Variants in GULP1 observed in about 807,000 individuals in gnomAD.
GULP1 encodes GULP PTB domain containing engulfment adaptor 1, also known as PTB domain-containing engulfment adapter protein 1.
A neutral mutation model predicts 40.9 loss-of-function variants in GULP1; 19 were observed. That is an observed-to-expected ratio of 0.46 (90% CI 0.32 to 0.68). GULP1 has a LOEUF of 0.68. GULP1 is among the 30% of genes least tolerant of loss of function. GULP1 has a pLI of 0.03. For synonymous variants in GULP1, 119 were observed against 117.6 expected, an observed-to-expected ratio of 1.01 and a Z score of -0.08; for missense variants, 312 against 362.2, an observed-to-expected ratio of 0.86 and a Z score of 1.12.
chr2:188,414,998 A>C (rs1197243550), intron 2 of GULP1, among the ~76,000 whole-genome samples: 1 of 152,162 alleles, frequency 6.6e-6, no homozygotes, highest in Admixed American at 6.5e-5. Flanking sequence ...AAGAGTAAAT[A>C]TGTTTCCATG....
At chr2:188,314,450 C>T (rs1014159880) in intron 1 of GULP1, among the ~76,000 whole-genome samples, 2 of 152,026 alleles carry the variant, frequency 1.3e-5, no homozygotes, top group African/African-American at 4.8e-5. Flanking sequence ...GATTTAGTTT[C>T]TTGCATACTC....
Position 188,561,714 on chromosome 2 carries a change from T to A in GULP1, c.400-7525T>A, listed in dbSNP as rs571718417. On this transcript the variant is annotated intron_variant, in intron 7 of 11. Coordinates refer to ENST00000409830, the MANE Select transcript of GULP1 (RefSeq NM_016315.4). ...GAGTGAGGGGCAGTAGTAGCCACGC[T>A]GAGGCCCCAGCATTGCAGAGGTTGG... Among the ~76,000 whole-genome samples the A allele has an allele frequency of 4.6e-5, 7 of 152,298 alleles. No homozygotes were observed. In the East Asian group the frequency reaches 1.4e-3, roughly 29 times the overall value.
intron 2 of GULP1, among the ~76,000 whole-genome samples, chr2:188,472,770 T>C (rs990724329): frequency 6.6e-6 from 1 of 152,240 alleles, no homozygotes; most frequent in African/African-American, 2.4e-5. Flanking sequence ...TCTTTGTTTT[T>C]CCAGGATTGT....
chr2:188,418,524 G>A (rs1431227852), intron 2 of GULP1, among the ~76,000 whole-genome samples: 2 of 152,076 alleles, frequency 1.3e-5, no homozygotes, highest in African/African-American at 2.4e-5. Context: ...TCCCAGCTAC[G>A]CAGGAGGCTG....
intron 4 of GULP1, among the ~76,000 whole-genome samples, chr2:188,496,365 C>T (rs2153119118): frequency 6.6e-6 from 1 of 152,062 alleles, no homozygotes; most frequent in Non-Finnish European, 1.5e-5. Flanking sequence ...AATGGTATTG[C>T]TCTAGGCTTG....
chr2:188,395,747 A>G (rs1296111669), intron 2 of GULP1, among the ~76,000 whole-genome samples: 1 of 152,136 alleles, frequency 6.6e-6, no homozygotes, highest in Non-Finnish European at 1.5e-5. Flanking sequence ...GAGTCTAGCC[A>G]CCCAATGGGG....
intron 4 of GULP1, among the ~76,000 whole-genome samples, chr2:188,496,471 A>G (rs2062905523): frequency 6.6e-6 from 1 of 152,036 alleles, no homozygotes; most frequent in Non-Finnish European, 1.5e-5. Context: ...TATTCAAACT[A>G]AAAAATATTC....
intron 4 of GULP1, among the ~76,000 whole-genome samples, chr2:188,519,059 A>G (rs2065468200): frequency 6.6e-6 from 1 of 152,206 alleles, no homozygotes; most frequent in Admixed American, 6.5e-5. Flanking sequence ...AATTAAAAAA[A>G]TACAGGAAGT....
rs117308295 is a variant in GULP1, at chr2:188,360,932, C to T, written c.-171-22831C>T. On this transcript the variant is annotated intron_variant, in intron 1 of 11. Transcript: ENST00000409830. ...CATACAATTGAAGGGTATTATTCAA[C>T]GTAATCATGAAATATAGTTTCTCTT... is the stretch of plus-strand genomic sequence containing the variant. Among the ~76,000 whole-genome samples, 452 of 152,054 alleles carry T rather than the reference C, an allele frequency of 3.0e-3. 10 individuals carry two copies. In the East Asian group the frequency reaches 0.049, roughly 16 times the overall value.
At chr2:188,546,591 T>G (rs1032587108) in intron 7 of GULP1, among the ~76,000 whole-genome samples, 8 of 152,010 alleles carry the variant, frequency 5.3e-5, no homozygotes, top group East Asian at 1.9e-4. Flanking sequence ...CTGTAACTAA[T>G]TTAATACATT....
intron 6 of GULP1, among the ~76,000 whole-genome samples, chr2:188,530,113 T>C (rs1687177454): frequency 6.6e-6 from 1 of 152,162 alleles, no homozygotes; most frequent in Non-Finnish European, 1.5e-5. Context: ...AACTTAGCTA[T>C]GTGTTATACT....
chr2:188,293,497 A>AATTAGACAG (rs2034242627), intron 1 of GULP1, among the ~76,000 whole-genome samples: 1 of 152,226 alleles, frequency 6.6e-6, no homozygotes, highest in Non-Finnish European at 1.5e-5. Context: ...GTGCTAAAGT[A>AATTAGACAG]AGGGAGATTA....
chr2:188,373,952 TCTC>T (rs1356599443), intron 1 of GULP1, among the ~76,000 whole-genome samples: 2 of 151,948 alleles, frequency 1.3e-5, no homozygotes, highest in African/African-American at 4.8e-5. Flanking sequence ...TAAAAATTGG[TCTC>T]CTCTACTATC....
At chr2:188,420,232 A>G (rs1481137590) in intron 2 of GULP1, among the ~76,000 whole-genome samples, 2 of 152,156 alleles carry the variant, frequency 1.3e-5, no homozygotes, top group Non-Finnish European at 2.9e-5. Flanking sequence ...TACTATTGGG[A>G]TTTTAATCAG....
intron 2 of GULP1, among the ~76,000 whole-genome samples, chr2:188,476,369 C>G (rs1428112083): frequency 2.0e-5 from 3 of 152,030 alleles, no homozygotes; most frequent in Non-Finnish European, 4.4e-5. Context: ...CAGCTGAGAC[C>G]TCTAGGCAAT....
At chr2:188,414,076 G>C (rs1040396407) in intron 2 of GULP1, among the ~76,000 whole-genome samples, 2 of 151,914 alleles carry the variant, frequency 1.3e-5, no homozygotes, top group African/African-American at 4.8e-5. Flanking sequence ...AATTAGTCAG[G>C]CATGGTGGTG....
chr2:188,337,122 A>G (rs972210172), intron 1 of GULP1, among the ~76,000 whole-genome samples: 1 of 151,204 alleles, frequency 6.6e-6, no homozygotes, highest in Admixed American at 6.6e-5. Flanking sequence ...ATCTATATCT[A>G]TATCTATATC....
At chr2:188,370,741 A>G (rs1474017002) in intron 1 of GULP1, among the ~76,000 whole-genome samples, 2 of 152,218 alleles carry the variant, frequency 1.3e-5, no homozygotes, top group Non-Finnish European at 2.9e-5. Flanking sequence ...TTGAGCTAAC[A>G]CTCAAGAAAT....
At chr2:188,591,207 CAT>C (rs1488320239) in intron 11 of GULP1, 1 of 151,938 alleles carries the variant, frequency 6.6e-6, no homozygotes, top group Non-Finnish European at 1.5e-5. Flanking sequence ...TCAAAGTAAA[CAT>C]ATAAATCAAA....
Sources: allele counts gnomAD v4.1 joint callset (sites outside exome capture counted in the v4.1 genomes callset), GRCh38; gene constraint gnomAD v4.1.1; transcripts MANE v1.5; gene names NCBI Gene and HGNC (gene_info 2026-07-23, HGNC 2026-07-21).